The following CNTNAP2 variants were observed in gnomAD, a reference collection of about 807,000 sequenced individuals.
CNTNAP2 encodes contactin-associated protein-like 2.
Under a neutral mutation model 155.2 loss-of-function variants are expected in CNTNAP2, and 98 were observed. That is an observed-to-expected ratio of 0.63 (90% CI 0.54 to 0.75). CNTNAP2 has a LOEUF of 0.75. Among genes scored for constraint, CNTNAP2 ranks in the 30% least tolerant of loss-of-function variants. The pLI is 0.00. For synonymous variants in CNTNAP2, 651 were observed against 631.2 expected, an observed-to-expected ratio of 1.03 and a Z score of -0.47; for missense variants, 1,727 against 1,688.1, an observed-to-expected ratio of 1.02 and a Z score of -0.40.
intron 8 of CNTNAP2, among the ~76,000 whole-genome samples, chr7:147,235,321 C>A (rs968062185): frequency 4.1e-5 from 6 of 147,060 alleles, no homozygotes; most frequent in African/African-American, 1.5e-4. Context: ...TTACAATGAA[C>A]CTTTTTATAG....
intron 11 of CNTNAP2, among the ~76,000 whole-genome samples, chr7:147,539,073 G>C (rs1049178597): frequency 2.6e-4 from 39 of 152,098 alleles, no homozygotes; most frequent in Non-Finnish European, 5.0e-4. Context: ...ATGTTCATAA[G>C]TTAGGTCTGA....
At chr7:146,411,317 C>A (rs943569603) in intron 1 of CNTNAP2, among the ~76,000 whole-genome samples, 28 of 152,128 alleles carry the variant, frequency 1.8e-4, no homozygotes, top group African/African-American at 6.0e-4. Context: ...GCCACCACTC[C>A]TGACTAATTT....
intron 4 of CNTNAP2, among the ~76,000 whole-genome samples, chr7:147,096,862 C>A (rs939488926): frequency 1.3e-5 from 2 of 152,178 alleles, no homozygotes. Flanking sequence ...TGTTCACGAG[C>A]AGACCACAGA....
At chr7:146,626,718 A>G (rs1799426048) in intron 1 of CNTNAP2, among the ~76,000 whole-genome samples, 1 of 152,136 alleles carries the variant, frequency 6.6e-6, no homozygotes, top group African/African-American at 2.4e-5. Flanking sequence ...AGAAAAATGC[A>G]TTTTTCTTAG....
chr7:146,164,631 G>T (rs1222870244), intron 1 of CNTNAP2, among the ~76,000 whole-genome samples: 1 of 152,220 alleles, frequency 6.6e-6, no homozygotes, highest in Admixed American at 6.5e-5. Context: ...TTTGGCTAAA[G>T]AAGTGGTCTC....
intron 1 of CNTNAP2, among the ~76,000 whole-genome samples, chr7:146,549,689 T>C (rs544033504): frequency 1.1e-4 from 17 of 152,214 alleles, no homozygotes; most frequent in African/African-American, 3.9e-4. Context: ...TTGAAGTAGA[T>C]TCAAACAAAT....
At position 146,268,965 on chromosome 7, in the gene CNTNAP2, A is replaced by G. The variant is rs112478897; in HGVS notation, c.97+151992A>G. Among the ~76,000 whole-genome samples, 572 of 152,278 alleles carry G rather than the reference A, an allele frequency of 3.8e-3. 1 individual carries two copies. Among genetic ancestry groups the G allele is most frequent in the Non-Finnish European group, 6.5e-3 (440 of 68,026 alleles). Reference sequence around the variant, plus strand: ...GGAGTGAAAAGCATAATTTAAAACCATCATCTTTACCTAATGATCAAAGCC... The same window carrying G: ...GGAGTGAAAAGCATAATTTAAAACCGTCATCTTTACCTAATGATCAAAGCC... On this transcript the variant is annotated intron_variant, in intron 1 of 23. Transcript: ENST00000361727.
chr7:147,314,699 T>C (rs1160435678), intron 9 of CNTNAP2, among the ~76,000 whole-genome samples: 1 of 151,206 alleles, frequency 6.6e-6, no homozygotes, highest in East Asian at 1.9e-4. Context: ...CTATGGGCTA[T>C]TGAACAAAGA....
chr7:146,872,258 T>C lies in CNTNAP2; in HGVS notation c.402+32354T>C, dbSNP rs146859647. Among the ~76,000 whole-genome samples, 1,236 of 148,282 alleles carry C rather than the reference T, an allele frequency of 8.3e-3. 8 individuals are homozygous for C. Among genetic ancestry groups the C allele is most frequent in the Middle Eastern group, 0.022 (6 of 268 alleles). Reference sequence around the variant, plus strand: ...AAACAGATATCACAAGAAAAAAGTATATATAGACCACCCCCCAAAAAACAA... The same window carrying C: ...AAACAGATATCACAAGAAAAAAGTACATATAGACCACCCCCCAAAAAACAA... On this transcript the variant is annotated intron_variant, in intron 3 of 23. Coordinates refer to ENST00000361727, the MANE Select transcript of CNTNAP2 (RefSeq NM_014141.6).
intron 2 of CNTNAP2, among the ~76,000 whole-genome samples, chr7:146,829,414 T>C (rs984028001): frequency 6.6e-6 from 1 of 152,094 alleles, no homozygotes; most frequent in African/African-American, 2.4e-5. Flanking sequence ...AAGGAAACTT[T>C]TTGTTTTCTC....
At chr7:147,952,828 AT>A (rs886347316) in intron 14 of CNTNAP2, among the ~76,000 whole-genome samples, 43 of 152,076 alleles carry the variant, frequency 2.8e-4, no homozygotes, top group African/African-American at 4.3e-4. Flanking sequence ...AAATATACTT[AT>A]TTTTTTTAAT....
At chr7:148,296,028 T>C (rs769771448) in intron 21 of CNTNAP2, among the ~76,000 whole-genome samples, 1 of 152,168 alleles carries the variant, frequency 6.6e-6, no homozygotes, top group Non-Finnish European at 1.5e-5. Flanking sequence ...GGCCTTGAAA[T>C]TCTTATCAAG....
chr7:147,837,397 C>T (rs572455365), intron 13 of CNTNAP2, among the ~76,000 whole-genome samples: 1 of 152,212 alleles, frequency 6.6e-6, no homozygotes, highest in African/African-American at 2.4e-5. Context: ...CCTCCCACAA[C>T]ACATGGGAAT....
chr7:146,707,389 C>T (rs1487647334), intron 1 of CNTNAP2, among the ~76,000 whole-genome samples: 1 of 152,142 alleles, frequency 6.6e-6, no homozygotes, highest in Non-Finnish European at 1.5e-5. Flanking sequence ...TGGAAGGAGG[C>T]CTTCAATGAC....
At chr7:147,950,339 A>G in intron 14 of CNTNAP2, among the ~76,000 whole-genome samples, 1 of 130,224 alleles carries the variant, frequency 7.7e-6, no homozygotes. Flanking sequence ...TTTCCATCAC[A>G]GCTTAAGCTA....
At position 147,116,042 on chromosome 7, in the gene CNTNAP2, C is replaced by T. The variant is rs1584853469; in HGVS notation, c.755-4937C>T. Among the ~76,000 whole-genome samples, 4 of 151,984 alleles carry T rather than the reference C, an allele frequency of 2.6e-5. No homozygotes were observed. The South Asian group carries it at 8.3e-4, about 32-fold the overall frequency. On this transcript the variant is annotated intron_variant, in intron 5 of 23. Transcript: ENST00000361727. The stretch of plus-strand genomic sequence containing the variant: ...TTTGTGTTTGTTTTTCTTTTAATAG[C>T]CCTGTAGAAGTCTGGCCACTCATCC...
chr7:147,915,769 A>AG (rs1800148391), intron 14 of CNTNAP2, among the ~76,000 whole-genome samples: 1 of 151,750 alleles, frequency 6.6e-6, no homozygotes, highest in Non-Finnish European at 1.5e-5. Flanking sequence ...GTGAAGAAGA[A>AG]GAAAAAAAAG....
intron 13 of CNTNAP2, among the ~76,000 whole-genome samples, chr7:147,848,428 T>C (rs985445667): frequency 9.3e-5 from 14 of 151,164 alleles, no homozygotes; most frequent in Non-Finnish European, 1.5e-4. Context: ...GCTTCCCAGG[T>C]GAGGCAATGC....
chr7:147,598,087 C>A (rs1485654012), intron 12 of CNTNAP2, among the ~76,000 whole-genome samples: 2 of 152,018 alleles, frequency 1.3e-5, no homozygotes, highest in Non-Finnish European at 2.9e-5. Context: ...ACCTGCCAAA[C>A]CCCTGTGGGG....
Sources: gnomAD v4.1 joint callset for allele counts (sites outside exome capture counted in the v4.1 genomes callset) on GRCh38, gnomAD v4.1.1 for gene constraint, MANE v1.5 for transcripts, NCBI Gene and HGNC (gene_info 2026-07-23, HGNC 2026-07-21) for gene names.